Variants in CDH12 observed in about 807,000 individuals in gnomAD.
CDH12 encodes cadherin-12.
In CDH12, 41 loss-of-function variants were observed where a neutral mutation model predicts 74.1. The ratio of observed to expected loss-of-function variants is 0.55; its 90% CI spans 0.43 to 0.72. The LOEUF is 0.72. CDH12 is among the 30% of genes least tolerant of loss of function. The pLI is 0.00. For synonymous variants in CDH12, 399 were observed against 355.0 expected, an observed-to-expected ratio of 1.12 and a Z score of -1.39; for missense variants, 945 against 977.2, an observed-to-expected ratio of 0.97 and a Z score of 0.44.
At chr5:22,347,153 T>C (rs772801651) in intron 3 of CDH12, among the ~76,000 whole-genome samples, 7 of 152,184 alleles carry the variant, frequency 4.6e-5, no homozygotes, top group African/African-American at 9.7e-5. Flanking sequence ...CTTGATTGGA[T>C]TGAAGGATGC....
At chr5:22,371,888 G>A (rs1470328728) in intron 3 of CDH12, among the ~76,000 whole-genome samples, 2 of 152,212 alleles carry the variant, frequency 1.3e-5, no homozygotes, top group Non-Finnish European at 2.9e-5. Context: ...AACCTTGTGG[G>A]AGATGATAAG....
At chr5:22,084,647 A>T (rs1742949590) in intron 4 of CDH12, among the ~76,000 whole-genome samples, 2 of 152,106 alleles carry the variant, frequency 1.3e-5, no homozygotes. Context: ...TCTCTATAAC[A>T]CTACAGTCCT....
intron 1 of CDH12, among the ~76,000 whole-genome samples, chr5:22,590,902 T>G (rs1711996402): frequency 1.3e-5 from 2 of 152,168 alleles, no homozygotes; most frequent in Admixed American, 6.5e-5. Flanking sequence ...AAGCTATGTA[T>G]TTTATGCTAT....
chr5:22,485,774 C>G (rs922237623), intron 2 of CDH12, among the ~76,000 whole-genome samples: 4 of 152,232 alleles, frequency 2.6e-5, no homozygotes, highest in Middle Eastern at 3.4e-3. Flanking sequence ...GAGGAAAACA[C>G]CTTAGCTACA....
chr5:22,284,053 A>G (rs1737030916), intron 3 of CDH12, among the ~76,000 whole-genome samples: 1 of 152,130 alleles, frequency 6.6e-6, no homozygotes, highest in Non-Finnish European at 1.5e-5. Context: ...TTGGTAATCA[A>G]ACTGATGTTC....
chr5:22,089,898 TATGTA>T (rs1743311725), intron 4 of CDH12, among the ~76,000 whole-genome samples: 1 of 151,954 alleles, frequency 6.6e-6, no homozygotes, highest in African/African-American at 2.4e-5. Flanking sequence ...CATACAAATG[TATGTA>T]ACAAAGCAGT....
intron 4 of CDH12, among the ~76,000 whole-genome samples, chr5:22,201,096 C>A (rs940431848): frequency 1.3e-5 from 2 of 152,128 alleles, no homozygotes; most frequent in African/African-American, 2.4e-5. Flanking sequence ...AACATGAAAT[C>A]TCAGACATAG....
intron 3 of CDH12, among the ~76,000 whole-genome samples, chr5:22,228,311 G>A (rs1174526283): frequency 2.0e-5 from 3 of 152,000 alleles, no homozygotes; most frequent in African/African-American, 7.2e-5. Flanking sequence ...CACCGTAGCA[G>A]CATATGGTAT....
intron 1 of CDH12, among the ~76,000 whole-genome samples, chr5:22,657,917 C>T (rs1336993940): frequency 6.6e-6 from 1 of 152,112 alleles, no homozygotes; most frequent in East Asian, 1.9e-4. Context: ...ATTGATTAAA[C>T]ATAACTCAGA....
intron 1 of CDH12, among the ~76,000 whole-genome samples, chr5:22,818,633 T>C (rs1749510797): frequency 6.6e-6 from 1 of 152,242 alleles, no homozygotes; most frequent in South Asian, 2.1e-4. Context: ...AAGTATGTCA[T>C]ACTTTAACTT....
At chr5:22,222,451 A>G (rs1172628732) in intron 3 of CDH12, among the ~76,000 whole-genome samples, 1 of 151,942 alleles carries the variant, frequency 6.6e-6, no homozygotes. Flanking sequence ...ATGTTGCCAT[A>G]TTTTATAATG....
chr5:21,835,198 T>C (rs2149977352), intron 8 of CDH12, among the ~76,000 whole-genome samples: 1 of 151,994 alleles, frequency 6.6e-6, no homozygotes, highest in Middle Eastern at 3.4e-3. Context: ...GCAGATTGCC[T>C]TCTCTGGACT....
intron 7 of CDH12, among the ~76,000 whole-genome samples, chr5:21,847,754 C>G (rs747078983): frequency 1.3e-5 from 2 of 152,094 alleles, no homozygotes; most frequent in African/African-American, 2.4e-5. Flanking sequence ...CATGGACATA[C>G]TTGGGCAATC....
chr5:22,115,395 G>A (rs1449217715), intron 4 of CDH12, among the ~76,000 whole-genome samples: 3 of 152,124 alleles, frequency 2.0e-5, no homozygotes, highest in Non-Finnish European at 4.4e-5. Flanking sequence ...CTTCAAAAAT[G>A]GATATGATAA....
At chr5:21,889,165 G>C (rs1021609534) in intron 6 of CDH12, among the ~76,000 whole-genome samples, 3 of 151,992 alleles carry the variant, frequency 2.0e-5, no homozygotes, top group African/African-American at 7.2e-5. Flanking sequence ...CTTAAACTGA[G>C]TTTCAATAAG....
At chr5:22,281,450 T>C (rs879201214) in intron 3 of CDH12, among the ~76,000 whole-genome samples, 1 of 152,198 alleles carries the variant, frequency 6.6e-6, no homozygotes, top group Non-Finnish European at 1.5e-5. Context: ...TATTTGCAGA[T>C]GACATGGTTT....
At chr5:21,784,239 CT>C (rs1746075518) in intron 10 of CDH12, among the ~76,000 whole-genome samples, 5 of 152,050 alleles carry the variant, frequency 3.3e-5, no homozygotes, top group African/African-American at 1.2e-4. Context: ...GTATTTAAAT[CT>C]TTAAGTAACA....
At chr5:22,326,032 T>A (rs560267251) in intron 3 of CDH12, among the ~76,000 whole-genome samples, 1 of 152,288 alleles carries the variant, frequency 6.6e-6, no homozygotes, top group African/African-American at 2.4e-5. Flanking sequence ...TGGGCATAAA[T>A]AAATCTAATT....
At chr5:21,804,152 A>T (rs1289195443) in intron 9 of CDH12, among the ~76,000 whole-genome samples, 1 of 152,122 alleles carries the variant, frequency 6.6e-6, no homozygotes. Flanking sequence ...CTGTTAACTT[A>T]TAATATTGAT....
Sources: allele counts gnomAD v4.1 joint callset (sites outside exome capture counted in the v4.1 genomes callset), GRCh38; gene constraint gnomAD v4.1.1; transcripts MANE v1.5; gene names NCBI Gene and HGNC (gene_info 2026-07-23, HGNC 2026-07-21).